Variants in XRCC4 observed in about 807,000 individuals in gnomAD.
XRCC4 encodes DNA repair protein XRCC4.
Under a neutral mutation model 39.1 loss-of-function variants are expected in XRCC4, and 28 were observed. The ratio of observed to expected loss-of-function variants is 0.72; its 90% CI spans 0.53 to 0.98. XRCC4 has a LOEUF of 0.98. Among genes scored for constraint, XRCC4 ranks in the 50% least tolerant of loss-of-function variants. The probability of loss-of-function intolerance (pLI) is 0.00; values close to 1 mark genes in which losing one functional copy is unlikely to be tolerated. For missense variants in XRCC4, 350 were observed against 376.4 expected, an observed-to-expected ratio of 0.93 and a Z score of 0.58; for synonymous variants, 123 against 126.4, an observed-to-expected ratio of 0.97 and a Z score of 0.18.
chr5:83,191,348 G>C lies in XRCC4; in HGVS notation c.316-4422G>C, dbSNP rs186734000. 8.6e-4 allele frequency among the ~76,000 whole-genome samples: 131 copies of C among 152,220 alleles called. No individual in the cohort carries two copies. The Middle Eastern group carries it at 0.01, about 12-fold the overall frequency. On this transcript the variant is annotated intron_variant, in intron 3 of 7. Transcript: ENST00000396027. ...CTGGTGGGAGGTGATTGAATTACAG[G>C]GGCAGGTCTTTCCTGTGCTGTTCTC...
intron 1 of XRCC4, among the ~76,000 whole-genome samples, chr5:83,082,199 A>G (rs1171179665): frequency 1.3e-5 from 2 of 152,138 alleles, no homozygotes; most frequent in Non-Finnish European, 1.5e-5. Flanking sequence ...TTGCCTCCCT[A>G]CAGTCTATTC....
At chr5:83,181,453 A>G (rs989724735) in intron 3 of XRCC4, among the ~76,000 whole-genome samples, 33 of 142,238 alleles carry the variant, frequency 2.3e-4, no homozygotes, top group African/African-American at 7.4e-4. Flanking sequence ...GTATTTAGAC[A>G]TGGTATAAAA....
At chr5:83,242,918 G>T (rs1271232908) in intron 6 of XRCC4, among the ~76,000 whole-genome samples, 1 of 152,152 alleles carries the variant, frequency 6.6e-6, no homozygotes, top group African/African-American at 2.4e-5. Flanking sequence ...TACACAGATG[G>T]TAAGCAGGGC....
intron 3 of XRCC4, among the ~76,000 whole-genome samples, chr5:83,189,111 A>C (rs763994575): frequency 6.6e-6 from 1 of 152,210 alleles, no homozygotes; most frequent in Non-Finnish European, 1.5e-5. Flanking sequence ...TTTCATTTTT[A>C]ATTGTAACAC....
At chr5:83,345,469 A>T (rs1018183169) in intron 7 of XRCC4, among the ~76,000 whole-genome samples, 12 of 152,204 alleles carry the variant, frequency 7.9e-5, no homozygotes, top group African/African-American at 2.9e-4. Flanking sequence ...TTAGTTATTT[A>T]AAATAACAGT....
intron 7 of XRCC4, among the ~76,000 whole-genome samples, chr5:83,322,212 T>A (rs1561474564): frequency 6.6e-6 from 1 of 151,934 alleles, no homozygotes; most frequent in Non-Finnish European, 1.5e-5. Flanking sequence ...GGAACCTAAT[T>A]ATAAAACAAA....
chr5:83,345,302 A>T (rs1288460584), intron 7 of XRCC4, among the ~76,000 whole-genome samples: 1 of 152,142 alleles, frequency 6.6e-6, no homozygotes, highest in East Asian at 1.9e-4. Context: ...GGTAATAAAG[A>T]CATTCCCCTT....
chr5:83,083,698 C>T (rs571271651), intron 1 of XRCC4, among the ~76,000 whole-genome samples: 11 of 152,242 alleles, frequency 7.2e-5, no homozygotes, highest in African/African-American at 1.9e-4. Context: ...CGCATTTGAC[C>T]ATGAACCTGT....
chr5:83,291,957 G>C (rs1273101839), intron 7 of XRCC4, among the ~76,000 whole-genome samples: 2 of 135,034 alleles, frequency 1.5e-5, no homozygotes, highest in East Asian at 2.3e-4. Flanking sequence ...ATTTCTGTGT[G>C]TGTGTGTGTG....
At chr5:83,188,791 A>C (rs2112675894) in intron 3 of XRCC4, among the ~76,000 whole-genome samples, 1 of 152,282 alleles carries the variant, frequency 6.6e-6, no homozygotes, top group Middle Eastern at 3.4e-3. Context: ...TAACCCTTTC[A>C]ACCTCTGTAG....
chr5:83,117,559 C>T (rs1746787026), intron 3 of XRCC4, among the ~76,000 whole-genome samples: 1 of 151,080 alleles, frequency 6.6e-6, no homozygotes, highest in South Asian at 2.1e-4. Flanking sequence ...TCTGTTTTTT[C>T]ATCTGTGCAA....
chr5:83,195,728 T>C, intron 3 of XRCC4, 42 bp from the exon 4 acceptor site: 1 of 1,509,684 alleles, frequency 6.6e-7, no homozygotes, highest in Non-Finnish European at 8.9e-7. Flanking sequence ...TTCTCAATCT[T>C]GATATTTTCC....
At chr5:83,235,866 G>T (rs1752669989) in intron 6 of XRCC4, among the ~76,000 whole-genome samples, 1 of 151,916 alleles carries the variant, frequency 6.6e-6, no homozygotes, top group African/African-American at 2.4e-5. Context: ...ATAAATTCAG[G>T]AAAGTTGCAA....
At position 83,087,799 on chromosome 5, in the gene XRCC4, T is replaced by A. The variant is rs569581240; in HGVS notation, c.-11+10184T>A. Among the ~76,000 whole-genome samples the A allele has an allele frequency of 7.2e-5, 11 of 152,312 alleles. No individual in the cohort carries two copies. The South Asian group carries it at 1.7e-3, about 23-fold the overall frequency. On this transcript the variant is annotated intron_variant, in intron 1 of 7. Transcript: ENST00000396027. Reference sequence around the variant, plus strand: ...AGTAATTTACTCTTTTTTTGGTGTATGTCTCTTCTTTATTTGGTTTGGAGC... The same window carrying A: ...AGTAATTTACTCTTTTTTTGGTGTAAGTCTCTTCTTTATTTGGTTTGGAGC...
At chr5:83,192,199 T>C (rs1211138654) in intron 3 of XRCC4, among the ~76,000 whole-genome samples, 1 of 148,580 alleles carries the variant, frequency 6.7e-6, no homozygotes. Flanking sequence ...TATGTATGTA[T>C]ACGTATATAT....
chr5:83,368,077 G>GAAA, the XRCC4 span, among the ~76,000 whole-genome samples: 29 of 142,278 alleles, frequency 2.0e-4, no homozygotes, highest in African/African-American at 7.1e-4. Flanking sequence ...ACCCCAATAA[G>GAAA]AAAAAAAAAA....
intron 6 of XRCC4, among the ~76,000 whole-genome samples, chr5:83,223,580 T>G (rs1752171150): frequency 6.6e-6 from 1 of 152,070 alleles, no homozygotes; most frequent in Non-Finnish European, 1.5e-5. Flanking sequence ...GAATGGAATT[T>G]TTTTTTTTTC....
rs1399646711 is a variant in XRCC4 at position 83,097,376 on chromosome 5, T to C, written c.-10-7534T>C. On this transcript the variant is annotated intron_variant, in intron 1 of 7. Coordinates refer to ENST00000396027, the MANE Select transcript of XRCC4 (RefSeq NM_003401.5). ...TTTTTTTTTTTTTCCTCAGACTAAG[T>C]TGCTCAGTCCTATCACTTGTCATCT... 2.0e-5 allele frequency among the ~76,000 whole-genome samples: 3 copies of C among 151,702 alleles called. No individual in the cohort carries two copies. In the East Asian group the frequency reaches 5.8e-4, roughly 29 times the overall value.
intron 1 of XRCC4, among the ~76,000 whole-genome samples, chr5:83,079,689 T>C (rs1319725865): frequency 1.3e-5 from 2 of 152,042 alleles, no homozygotes; most frequent in African/African-American, 2.4e-5. Flanking sequence ...CATGCCACCA[T>C]ACTTGGCTAA....
Sources: gnomAD v4.1 joint callset for allele counts (sites outside exome capture counted in the v4.1 genomes callset) on GRCh38, gnomAD v4.1.1 for gene constraint, MANE v1.5 for transcripts, NCBI Gene and HGNC (gene_info 2026-07-23, HGNC 2026-07-21) for gene names.